The following TMEM132C variants were observed in gnomAD, a reference collection of about 807,000 sequenced individuals.
TMEM132C encodes protein phosphatase 1, regulatory subunit 152.
In TMEM132C, 29 loss-of-function variants were observed where a neutral mutation model predicts 61.4. The observed-to-expected ratio is 0.47, with a 90% CI of 0.35 to 0.64. TMEM132C has a LOEUF of 0.64. TMEM132C is among the 30% of genes least tolerant of loss of function. TMEM132C has a pLI of 0.00. For missense variants in TMEM132C, 1,408 were observed against 1,476.9 expected (o/e 0.95, Z 0.76); for synonymous variants, 656 against 633.1 (o/e 1.04, Z -0.54).
intron 2 of TMEM132C, among the ~76,000 whole-genome samples, chr12:128,518,809 A>G (rs891149664): frequency 6.6e-6 from 1 of 151,964 alleles, no homozygotes; most frequent in Non-Finnish European, 1.5e-5. Flanking sequence ...CAGAAGCAAA[A>G]GGCAAAAGAC....
intron 3 of TMEM132C, among the ~76,000 whole-genome samples, chr12:128,577,661 C>T (rs529476791): frequency 2.0e-5 from 3 of 152,358 alleles, no homozygotes; most frequent in South Asian, 2.1e-4. Context: ...CTCAGCTCTC[C>T]GCTCCAGCCT....
intron 1 of TMEM132C, among the ~76,000 whole-genome samples, chr12:128,306,930 G>A (rs1378850499): frequency 6.6e-6 from 1 of 152,180 alleles, no homozygotes; most frequent in East Asian, 1.9e-4. Context: ...TGTAAGCAAA[G>A]AGTGAGCCCT....
At chr12:128,587,903 C>T (rs1014396049) in intron 3 of TMEM132C, among the ~76,000 whole-genome samples, 8 of 152,088 alleles carry the variant, frequency 5.3e-5, no homozygotes, top group Non-Finnish European at 1.0e-4. Flanking sequence ...ATGATGCAGG[C>T]GATATGCATT....
chr12:128,377,221 A>T (rs995203009), intron 1 of TMEM132C, among the ~76,000 whole-genome samples: 2 of 152,064 alleles, frequency 1.3e-5, no homozygotes, highest in African/African-American at 4.8e-5. Flanking sequence ...CGCCCAGTTA[A>T]TTTTTGTATT....
chr12:128,429,684 T>A (rs895081170), intron 2 of TMEM132C, among the ~76,000 whole-genome samples: 1 of 152,156 alleles, frequency 6.6e-6, no homozygotes, highest in Non-Finnish European at 1.5e-5. Context: ...TATCTTAATA[T>A]CCCTTCTGTT....
chr12:128,665,918 C>T (rs993922820), intron 4 of TMEM132C, among the ~76,000 whole-genome samples: 16 of 148,848 alleles, frequency 1.1e-4, no homozygotes, highest in Admixed American at 6.0e-4. Flanking sequence ...CAGGCACACA[C>T]ACATTCACAG....
At chr12:128,682,382 G>A (rs1954642655) in intron 5 of TMEM132C, among the ~76,000 whole-genome samples, 1 of 152,216 alleles carries the variant, frequency 6.6e-6, no homozygotes, top group Admixed American at 6.5e-5. Flanking sequence ...GCCCATGTCA[G>A]CCCCACCCAT....
chr12:128,489,969 T>G (rs1871657641), intron 2 of TMEM132C, among the ~76,000 whole-genome samples: 1 of 152,182 alleles, frequency 6.6e-6, no homozygotes, highest in Non-Finnish European at 1.5e-5. Context: ...TGCAGACATG[T>G]CATGGACCCC....
intron 1 of TMEM132C, among the ~76,000 whole-genome samples, chr12:128,269,434 C>G (rs1355484923): frequency 6.7e-6 from 1 of 150,062 alleles, no homozygotes; most frequent in Non-Finnish European, 1.5e-5. Context: ...TCCATGTGTT[C>G]AGTGCTGGGG....
At chr12:128,644,094 C>T (rs527760264) in intron 4 of TMEM132C, among the ~76,000 whole-genome samples, 2 of 152,240 alleles carry the variant, frequency 1.3e-5, no homozygotes, top group South Asian at 4.1e-4. Context: ...GAAACAGTGG[C>T]CAATACCAAG....
chr12:128,481,283 C>A (rs1478525531), intron 2 of TMEM132C, among the ~76,000 whole-genome samples: 1 of 152,196 alleles, frequency 6.6e-6, no homozygotes, highest in Non-Finnish European at 1.5e-5. Context: ...CTTTCAACAA[C>A]CTTAACGATT....
chr12:128,597,512 G>GGAAA, intron 3 of TMEM132C, among the ~76,000 whole-genome samples: 1 of 151,438 alleles, frequency 6.6e-6, no homozygotes, highest in East Asian at 1.9e-4. Flanking sequence ...AAGGAAGGAA[G>GGAAA]GAAGGAAGGA....
At chr12:128,347,731 A>G (rs967679480) in intron 1 of TMEM132C, among the ~76,000 whole-genome samples, 5 of 152,158 alleles carry the variant, frequency 3.3e-5, no homozygotes, top group Non-Finnish European at 5.9e-5. Flanking sequence ...CCCAGCCTGC[A>G]TGTGTCTTTT....
Position 128,616,164 on chromosome 12 carries a change from A to G in TMEM132C, c.1134A>G (p.Leu378=), listed in dbSNP as rs1876792188. The G allele has an allele frequency of 6.4e-7, 1 of 1,551,376 alleles. No individual in the cohort carries two copies. The highest frequency in any genetic ancestry group is 1.4e-5 in the African/African-American group (1 of 73,032). Residue 378 remains leucine, a synonymous_variant, in exon 4 of 9, where the codon TTA becomes TTG. Coordinates refer to ENST00000435159, the MANE Select transcript of TMEM132C (RefSeq NM_001136103.3). Reference sequence around the variant, plus strand: ...TTCTCTCTTCCAGGAGCAGCAGTTTATTCAATGAGGTTGTGCAGATGAACT... The same window carrying G: ...TTCTCTCTTCCAGGAGCAGCAGTTTGTTCAATGAGGTTGTGCAGATGAACT... The part of the protein sequence containing the change: ...GPSPRNRSSS[L]FNEVVQMNFE...
At chr12:128,340,595 A>G (rs1471123623) in intron 1 of TMEM132C, among the ~76,000 whole-genome samples, 2 of 152,190 alleles carry the variant, frequency 1.3e-5, no homozygotes, top group Non-Finnish European at 2.9e-5. Context: ...GATCTAAGCT[A>G]TAGCCCAAAT....
Position 128,278,681 on chromosome 12 carries a change from T to G in TMEM132C, c.85+11194T>G, listed in dbSNP as rs1216832880. ...CGGTGGTCAGGGTGTCCATGATGACTAAGTTTTTGTCTTAACTTGTGTGGG... is the reference window on the plus strand; with the variant it reads ...CGGTGGTCAGGGTGTCCATGATGACGAAGTTTTTGTCTTAACTTGTGTGGG... On this transcript the variant is annotated intron_variant, in intron 1 of 8. Transcript: ENST00000435159. The surrounding 1 kb of genome is among the most constrained non-coding windows in gnomAD (Gnocchi z 4.2). Among the ~76,000 whole-genome samples the G allele has an allele frequency of 2.0e-5, 3 of 152,172 alleles. No homozygotes were observed. Among genetic ancestry groups the G allele is most frequent in the Non-Finnish European group, 4.4e-5 (3 of 68,032 alleles).
intron 3 of TMEM132C, among the ~76,000 whole-genome samples, chr12:128,591,445 G>A (rs548347486): frequency 2.0e-5 from 3 of 152,236 alleles, no homozygotes; most frequent in African/African-American, 7.2e-5. Context: ...TTGTATGGCG[G>A]AGTAACATCC....
intron 3 of TMEM132C, among the ~76,000 whole-genome samples, chr12:128,588,884 C>A (rs34853017): frequency 0.6 from 91,304 of 151,906 alleles, 27,981 homozygotes; most frequent in East Asian, 0.82. Context: ...AGCAGCCCAC[C>A]AGCCAAGATA....
chr12:128,429,193 T>C (rs879449674), intron 2 of TMEM132C, among the ~76,000 whole-genome samples: 1 of 152,174 alleles, frequency 6.6e-6, no homozygotes, highest in Non-Finnish European at 1.5e-5. Context: ...GAGACATTTT[T>C]GGTTGTCAAA....
Sources: gnomAD v4.1 joint callset for allele counts (sites outside exome capture counted in the v4.1 genomes callset) on GRCh38, gnomAD v4.1.1 for gene constraint, Gnocchi (gnomAD v3.1) non-coding constraint, MANE v1.5 for transcripts, NCBI Gene and HGNC (gene_info 2026-07-23, HGNC 2026-07-21) for gene names.